Variants in PRH1 observed in about 807,000 individuals in gnomAD.
PRH1 encodes the protein salivary acidic proline-rich phosphoprotein 1/2.
PRH1 carries 7 observed loss-of-function variants against 7.9 expected under a neutral mutation model. The ratio of observed to expected loss-of-function variants is 0.89; its 90% CI spans 0.50 to 1.67. The LOEUF (loss-of-function observed/expected upper bound fraction) is 1.67. Ranked by LOEUF, PRH1 falls within the 40% of genes most tolerant of loss-of-function variation. The pLI is 0.00. For missense variants in PRH1, 109 were observed against 223.6 expected (o/e 0.49, Z 3.27); for synonymous variants, 45 against 80.8 (o/e 0.56, Z 2.38).
chr12:10,900,310 T>C (rs181502972), intron 2 of PRH1, among the ~76,000 whole-genome samples: 67 of 152,260 alleles, frequency 4.4e-4, no homozygotes, highest in Non-Finnish European at 4.9e-4. Context: ...CTTAGAGACA[T>C]TGTAAGGGAA....
Position 11,073,249 on chromosome 12 carries a change from A to G in PRH1, n.124-26061T>C, listed in dbSNP as rs1487731968. On this transcript the variant is annotated intron_variant and non_coding_transcript_variant, in intron 1 of 4. Coordinates refer to the PRH1 transcript ENST00000541977. ...TGGGTTCAATCAGTTCAAATCCTTCAGCCTCCTTACTAGCTGTATTTACAG... is the reference window on the plus strand; with the variant it reads ...TGGGTTCAATCAGTTCAAATCCTTCGGCCTCCTTACTAGCTGTATTTACAG... Among the ~76,000 whole-genome samples, 26 of 120,936 alleles carry G rather than the reference A, an allele frequency of 2.1e-4. 6 individuals are homozygous for G. Among genetic ancestry groups the G allele is most frequent in the Non-Finnish European group, 3.7e-4 (19 of 51,644 alleles). 79.3% of individuals were successfully genotyped at this position (120,936 alleles called of 152,430 possible). A position where few individuals can be genotyped will look rare whatever the true frequency, so the allele number is the denominator to read the frequency against.
chr12:10,946,143 G>A (rs1412429803), intron 2 of PRH1, among the ~76,000 whole-genome samples: 2 of 152,110 alleles, frequency 1.3e-5, no homozygotes, highest in African/African-American at 2.4e-5. Context: ...AGAGATTAAC[G>A]TAAAGACAGG....
At chr12:10,992,099 C>A (rs1473519987) in intron 1 of PRH1, among the ~76,000 whole-genome samples, 2 of 152,082 alleles carry the variant, frequency 1.3e-5, no homozygotes, top group Non-Finnish European at 2.9e-5. Context: ...AAACCCTTAG[C>A]CAGTTCTCTG....
At chr12:11,155,040 A>G (rs1382163003) in intron 1 of PRH1, among the ~76,000 whole-genome samples, 1 of 152,212 alleles carries the variant, frequency 6.6e-6, no homozygotes, top group Non-Finnish European at 1.5e-5. Context: ...GTTTTAATAG[A>G]AAAATCCTTC....
At chr12:10,967,567 G>A (rs907925909) in intron 2 of PRH1, among the ~76,000 whole-genome samples, 6 of 152,106 alleles carry the variant, frequency 3.9e-5, no homozygotes, top group Admixed American at 2.6e-4. Flanking sequence ...TAAAAGCTTC[G>A]TCTAGGCCTT....
chr12:10,920,016 G>C (rs10772390), intron 2 of PRH1, among the ~76,000 whole-genome samples: 76,534 of 150,680 alleles, frequency 0.51, 21,764 homozygotes, highest in East Asian at 0.72. Flanking sequence ...CCTCCTGTTT[G>C]ATTCTCTGTG....
chr12:10,988,201 A>G (rs932121871), intron 1 of PRH1, among the ~76,000 whole-genome samples: 1 of 152,170 alleles, frequency 6.6e-6, no homozygotes, highest in Admixed American at 6.5e-5. Flanking sequence ...ATCCAAAGAT[A>G]TATGAGATAA....
intron 1 of PRH1, chr12:11,031,246 T>A: frequency 2.5e-6 from 4 of 1,614,106 alleles, no homozygotes; most frequent in Non-Finnish European, 2.5e-6. Context: ...CAATGGAATT[T>A]ACCAATGCTA....
intron 2 of PRH1, chr12:10,938,976 T>A: frequency 6.2e-7 from 1 of 1,613,362 alleles, no homozygotes; most frequent in Non-Finnish European, 8.5e-7. Context: ...ATTTTTTCAG[T>A]GGCAAATAAA....
chr12:11,085,517 T>C (rs1028061565), intron 1 of PRH1, among the ~76,000 whole-genome samples: 4 of 118,620 alleles, frequency 3.4e-5, no homozygotes, highest in East Asian at 2.1e-4. Flanking sequence ...TTAATTTCTA[T>C]GTGTACCTGA....
At chr12:10,932,759 A>C (rs1270365619) in intron 2 of PRH1, among the ~76,000 whole-genome samples, 4 of 152,140 alleles carry the variant, frequency 2.6e-5, no homozygotes, top group Non-Finnish European at 5.9e-5. Context: ...GATTCTTACC[A>C]TTCTTAAGAA....
intron 2 of PRH1, among the ~76,000 whole-genome samples, chr12:10,891,169 A>G (rs192434339): frequency 3.3e-5 from 5 of 152,326 alleles, no homozygotes; most frequent in Non-Finnish European, 5.9e-5. Flanking sequence ...AAATATAGAG[A>G]AAGTGTCTTC....
intron 2 of PRH1, among the ~76,000 whole-genome samples, chr12:10,901,638 C>T (rs1319312983): frequency 3.3e-5 from 5 of 152,150 alleles, no homozygotes; most frequent in African/African-American, 1.2e-4. Context: ...ATATAACCAT[C>T]ACATTGTCCA....
intron 1 of PRH1, among the ~76,000 whole-genome samples, chr12:11,129,949 G>A (rs756498071): frequency 2.0e-5 from 3 of 152,294 alleles, no homozygotes; most frequent in East Asian, 1.9e-4. Flanking sequence ...CCAGGAGTTT[G>A]AGACCAGCCT....
intron 1 of PRH1, among the ~76,000 whole-genome samples, chr12:10,989,925 T>A (rs771564601): frequency 6.6e-6 from 1 of 152,224 alleles, no homozygotes; most frequent in Non-Finnish European, 1.5e-5. Context: ...TGGTCTTTGA[T>A]ATCCTGTGGC....
intron 2 of PRH1, among the ~76,000 whole-genome samples, chr12:10,927,519 A>C (rs1950139824): frequency 6.6e-6 from 1 of 152,166 alleles, no homozygotes; most frequent in Non-Finnish European, 1.5e-5. Context: ...ATGCATTCCC[A>C]CTTCAAATAT....
chr12:10,956,685 A>T (rs1937979955), intron 2 of PRH1, among the ~76,000 whole-genome samples: 1 of 152,148 alleles, frequency 6.6e-6, no homozygotes, highest in African/African-American at 2.4e-5. Flanking sequence ...TTTCTGGCCA[A>T]AATCTCCTTG....
chr12:11,093,165 T>C lies in PRH1; in HGVS notation n.124-45977A>G, dbSNP rs190125503. Among the ~76,000 whole-genome samples, 322 of 116,294 alleles carry C rather than the reference T, an allele frequency of 2.8e-3. 72 individuals carry two copies. Among genetic ancestry groups the C allele is most frequent in the African/African-American group, 8.9e-3 (309 of 34,720 alleles). The allele number at this position is 116,294 out of a possible 152,430, so 76.3% of individuals were successfully genotyped here. A position where few individuals can be genotyped will look rare whatever the true frequency, so the allele number is the denominator to read the frequency against. ...GTTTTGTAACTTAATATATATATCA[T>C]CCAGTAAATGTCTAAATTCTCAAAG... On this transcript the variant is annotated intron_variant and non_coding_transcript_variant, in intron 1 of 4. Transcript: ENST00000541977.
intron 1 of PRH1, among the ~76,000 whole-genome samples, chr12:11,054,327 C>T (rs1943270959): frequency 6.6e-6 from 1 of 152,176 alleles, no homozygotes; most frequent in African/African-American, 2.4e-5. Flanking sequence ...TATGAACTTA[C>T]ACAAATACTC....
Sources: allele counts gnomAD v4.1 joint callset (sites outside exome capture counted in the v4.1 genomes callset), GRCh38; gene constraint gnomAD v4.1.1; transcripts MANE v1.5; gene names NCBI Gene and HGNC (gene_info 2026-07-23, HGNC 2026-07-21).